Variants in CTNND2 observed in about 807,000 individuals in gnomAD.
The protein encoded by CTNND2 is catenin delta 2.
Under a neutral mutation model 144.4 loss-of-function variants are expected in CTNND2, and 22 were observed. That is an observed-to-expected ratio of 0.15 (90% CI 0.11 to 0.22). The LOEUF is 0.22. CTNND2 is among the 10% of genes least tolerant of loss of function. The pLI is 1.00. For synonymous variants in CTNND2, 751 were observed against 695.6 expected, an observed-to-expected ratio of 1.08 and a Z score of -1.25; for missense variants, 1,353 against 1,618.8, an observed-to-expected ratio of 0.84 and a Z score of 2.82.
At chr5:11,205,170 C>T (rs895554151) in intron 10 of CTNND2, among the ~76,000 whole-genome samples, 3 of 152,004 alleles carry the variant, frequency 2.0e-5, no homozygotes, top group African/African-American at 4.8e-5. Context: ...GCAAGACTAT[C>T]GCTACATACT....
At chr5:11,891,504 G>C (rs886252384) in intron 1 of CTNND2, among the ~76,000 whole-genome samples, 2 of 152,108 alleles carry the variant, frequency 1.3e-5, no homozygotes, top group African/African-American at 4.8e-5. Context: ...CCTAGCCCCC[G>C]ATGTGATGGC....
At chr5:11,709,226 C>G (rs756090534) in intron 2 of CTNND2, among the ~76,000 whole-genome samples, 86 of 152,268 alleles carry the variant, frequency 5.6e-4, no homozygotes, top group Non-Finnish European at 8.7e-4. Flanking sequence ...ACAGCAGAAG[C>G]CAGAAAAGGA....
rs61757525 is a variant in CTNND2, at chr5:11,467,809, A to G, written c.288-55740T>C. 4.2e-3 allele frequency among the ~76,000 whole-genome samples: 637 copies of G among 152,344 alleles called. 8 individuals are homozygous for G. Among genetic ancestry groups the G allele is most frequent in the African/African-American group, 0.015 (610 of 41,572 alleles). On this transcript the variant is annotated intron_variant, in intron 3 of 21. Coordinates refer to ENST00000304623, the MANE Select transcript of CTNND2 (RefSeq NM_001332.4). ...CAACCAACATTCCTGTTTTTCTTCT[A>G]CATGCAGAACTATTTAAAACTTCCA... is the stretch of plus-strand genomic sequence containing the variant.
chr5:11,105,520 C>G (rs1251076264), intron 14 of CTNND2, among the ~76,000 whole-genome samples: 1 of 146,666 alleles, frequency 6.8e-6, no homozygotes, highest in Non-Finnish European at 1.5e-5. Context: ...TGACCAGTGC[C>G]GAAGCCGAGA....
At chr5:11,394,632 T>C (rs1759911574) in intron 6 of CTNND2, among the ~76,000 whole-genome samples, 1 of 152,226 alleles carries the variant, frequency 6.6e-6, no homozygotes, top group Non-Finnish European at 1.5e-5. Context: ...TAAAGAGTAA[T>C]GTCAGAGAAC....
chr5:11,301,182 A>C (rs1163307060), intron 9 of CTNND2, among the ~76,000 whole-genome samples: 3 of 120,662 alleles, frequency 2.5e-5, no homozygotes, highest in Admixed American at 2.4e-4. Context: ...ATGCCCAGCT[A>C]ATTTTTTTGT....
At chr5:11,864,741 T>C (rs1338496677) in intron 1 of CTNND2, among the ~76,000 whole-genome samples, 1 of 152,150 alleles carries the variant, frequency 6.6e-6, no homozygotes, top group Non-Finnish European at 1.5e-5. Context: ...CCATGCCTCC[T>C]CCACCAGTTG....
At chr5:11,901,788 C>A (rs1193030135) in intron 1 of CTNND2, among the ~76,000 whole-genome samples, 1 of 152,176 alleles carries the variant, frequency 6.6e-6, no homozygotes, top group Non-Finnish European at 1.5e-5. Context: ...TGCCCATCGG[C>A]CGCTCTGGGT....
chr5:11,343,980 A>T (rs918965197), intron 9 of CTNND2, among the ~76,000 whole-genome samples: 1 of 152,266 alleles, frequency 6.6e-6, no homozygotes, highest in African/African-American at 2.4e-5. Flanking sequence ...GAAGTTAAAC[A>T]TATTAGTTCT....
chr5:11,321,239 G>T (rs1335958640), intron 9 of CTNND2, among the ~76,000 whole-genome samples: 1 of 152,152 alleles, frequency 6.6e-6, no homozygotes, highest in East Asian at 1.9e-4. Context: ...TATGTGTGTT[G>T]CAACATTAAA....
At position 11,564,616 on chromosome 5, in the gene CTNND2, C is replaced by T. The variant is rs61763041; in HGVS notation, c.287+328G>A. 8.4e-3 allele frequency among the ~76,000 whole-genome samples: 1,247 copies of T among 148,838 alleles called. 14 individuals are homozygous for T. Among genetic ancestry groups the T allele is most frequent in the Non-Finnish European group, 0.014 (972 of 67,270 alleles). On this transcript the variant is annotated intron_variant, in intron 3 of 21. Coordinates refer to ENST00000304623, the MANE Select transcript of CTNND2 (RefSeq NM_001332.4). The stretch of plus-strand genomic sequence containing the variant: ...GGAACCTGGAGCTCTGGATCATTTA[C>T]GAAAAAAAAAAAAAGTCCCAAACTC...
intron 9 of CTNND2, among the ~76,000 whole-genome samples, chr5:11,320,305 T>TGAAGCAAC (rs1339206552): frequency 6.6e-6 from 1 of 152,210 alleles, no homozygotes; most frequent in Non-Finnish European, 1.5e-5. Flanking sequence ...TTCACTCACA[T>TGAAGCAAC]AAGTAAAGTT....
chr5:10,987,131 C>T (rs988430950), intron 20 of CTNND2, among the ~76,000 whole-genome samples: 4 of 152,200 alleles, frequency 2.6e-5, no homozygotes, highest in African/African-American at 4.8e-5. Flanking sequence ...GTGGGGTCCC[C>T]GTTGAAAGGT....
At chr5:11,231,965 T>C (rs766550474) in intron 10 of CTNND2, among the ~76,000 whole-genome samples, 8 of 152,314 alleles carry the variant, frequency 5.3e-5, no homozygotes, top group Non-Finnish European at 2.9e-5. Context: ...CCATGGCTAA[T>C]AGGGGCCAAG....
chr5:10,974,793 T>C (rs1736244424), intron 21 of CTNND2, among the ~76,000 whole-genome samples: 1 of 152,228 alleles, frequency 6.6e-6, no homozygotes, highest in Non-Finnish European at 1.5e-5. Context: ...AAATTGGTCT[T>C]AGTTAATAGA....
intron 7 of CTNND2, among the ~76,000 whole-genome samples, chr5:11,370,173 GTTTT>G (rs77463818): frequency 7.3e-6 from 1 of 137,444 alleles, no homozygotes; most frequent in Non-Finnish European, 1.6e-5. Flanking sequence ...AACTACTTGG[GTTTT>G]TTTTTTTTTT....
At chr5:11,313,144 C>T (rs1017417084) in intron 9 of CTNND2, among the ~76,000 whole-genome samples, 1 of 152,206 alleles carries the variant, frequency 6.6e-6, no homozygotes, top group African/African-American at 2.4e-5. Flanking sequence ...AACCCAGTGA[C>T]ATTCCAGTTA....
intron 3 of CTNND2, among the ~76,000 whole-genome samples, chr5:11,536,252 T>C (rs936410642): frequency 2.6e-5 from 4 of 151,990 alleles, no homozygotes; most frequent in Non-Finnish European, 4.4e-5. Context: ...TTGGTAGAGA[T>C]AGGGTCTCCC....
At chr5:11,683,249 T>C (rs990301538) in intron 2 of CTNND2, among the ~76,000 whole-genome samples, 3 of 152,212 alleles carry the variant, frequency 2.0e-5, no homozygotes, top group Non-Finnish European at 4.4e-5. Context: ...GATAGAATAT[T>C]AAGCTTCCAT....
Sources: gnomAD v4.1 joint callset for allele counts (sites outside exome capture counted in the v4.1 genomes callset) on GRCh38, gnomAD v4.1.1 for gene constraint, MANE v1.5 for transcripts, NCBI Gene and HGNC (gene_info 2026-07-23, HGNC 2026-07-21) for gene names.